Variants in COL19A1 observed in about 807,000 individuals in gnomAD.
The protein encoded by COL19A1 is collagen alpha-1(XIX) chain.
In COL19A1, 159 loss-of-function variants were observed where a neutral mutation model predicts 190.2. That is an observed-to-expected ratio of 0.84 (90% CI 0.73 to 0.95). The LOEUF is 0.95. Ranked by LOEUF, COL19A1 falls within the 40% of genes least tolerant of loss-of-function variation. The pLI, the probability that COL19A1 is intolerant of heterozygous loss-of-function variation, is 0.00. For synonymous variants in COL19A1, 509 were observed against 458.9 expected (o/e 1.11, Z -1.39); for missense variants, 1,418 against 1,431.9 (o/e 0.99, Z 0.16).
chr6:70,001,053 T>C (rs1371903986), intron 11 of COL19A1, among the ~76,000 whole-genome samples: 1 of 152,206 alleles, frequency 6.6e-6, no homozygotes, highest in Admixed American at 6.5e-5. Context: ...GTATAAGGTG[T>C]AAGAAAGGGG....
intron 14 of COL19A1, among the ~76,000 whole-genome samples, chr6:70,051,235 T>C (rs181673973): frequency 6.6e-6 from 1 of 152,224 alleles, no homozygotes; most frequent in East Asian, 1.9e-4. Context: ...AATATTTAAG[T>C]CAGACACATG....
At chr6:70,104,866 G>T (rs1040518625) in intron 16 of COL19A1, among the ~76,000 whole-genome samples, 1 of 152,162 alleles carries the variant, frequency 6.6e-6, no homozygotes, top group Admixed American at 6.6e-5. Flanking sequence ...TAGGAGAGAA[G>T]AGGATTACAC....
Position 69,936,869 on chromosome 6 carries a change from A to G in COL19A1, c.832A>G (p.Lys278Glu). 2 of 1,613,186 alleles carry G rather than the reference A, an allele frequency of 1.2e-6. No individual in the cohort carries two copies. The highest frequency in any genetic ancestry group is 1.7e-6 in the Non-Finnish European group (2 of 1,179,300). The change falls in exon 8 of 51, where the codon AAG becomes GAG. Residue 278 changes from lysine to glutamate, a missense_variant. Lys to Glu is a moderately conservative substitution (Grantham distance 56, BLOSUM62 1). Transcript: ENST00000620364. ...TAAAATGTCTTCATATCTGCCAGCAAAGCAGGAACTTAAAGACCAGTGCCA... is the reference window on the plus strand; with the variant it reads ...TAAAATGTCTTCATATCTGCCAGCAGAGCAGGAACTTAAAGACCAGTGCCA... ...ASKMSSYLPA[K>E]QELKDQCQCI...
At chr6:69,947,779 A>G (rs1444757031) in intron 9 of COL19A1, among the ~76,000 whole-genome samples, 1 of 151,876 alleles carries the variant, frequency 6.6e-6, no homozygotes, top group East Asian at 1.9e-4. Flanking sequence ...CTGGTATCTG[A>G]TGGCTTCATT....
chr6:69,873,519 A>G (rs1470080879), intron 1 of COL19A1, among the ~76,000 whole-genome samples: 1 of 152,270 alleles, frequency 6.6e-6, no homozygotes, highest in Admixed American at 6.5e-5. Flanking sequence ...AACTCATCCC[A>G]TATCACCTGC....
intron 1 of COL19A1, among the ~76,000 whole-genome samples, chr6:69,875,928 AAG>A (rs1216245690): frequency 3.9e-5 from 6 of 152,190 alleles, no homozygotes; most frequent in Admixed American, 6.5e-5. Context: ...AGACATTATA[AAG>A]AGAGGAAAGG....
intron 16 of COL19A1, among the ~76,000 whole-genome samples, chr6:70,111,367 G>A (rs976016039): frequency 6.6e-6 from 1 of 152,116 alleles, no homozygotes; most frequent in Non-Finnish European, 1.5e-5. Flanking sequence ...AAACATGGAA[G>A]AAAAGTTGGC....
At chr6:70,052,211 T>C (rs561006210) in intron 14 of COL19A1, among the ~76,000 whole-genome samples, 3 of 152,264 alleles carry the variant, frequency 2.0e-5, no homozygotes, top group African/African-American at 7.2e-5. Flanking sequence ...CTTTTTTTAT[T>C]TAGGACCATG....
chr6:70,039,764 T>G (rs1283862475), intron 14 of COL19A1, among the ~76,000 whole-genome samples: 1 of 151,802 alleles, frequency 6.6e-6, no homozygotes, highest in Admixed American at 6.6e-5. Context: ...AGTATTGTTT[T>G]TTTTTTTTTT....
chr6:70,140,536 A>G (rs1786182487), intron 19 of COL19A1, among the ~76,000 whole-genome samples: 1 of 152,094 alleles, frequency 6.6e-6, no homozygotes, highest in South Asian at 2.1e-4. Context: ...TTAAGCACAC[A>G]ATTAACCAAC....
At chr6:70,190,172 C>T (rs761184470) in intron 47 of COL19A1, 143 bp from the exon 48 acceptor site, 6 of 648,048 alleles carry the variant, frequency 9.3e-6, no homozygotes, top group Non-Finnish European at 1.6e-5. Flanking sequence ...ATTTATTGCC[C>T]AATATAATCA....
At chr6:70,171,814 T>G in intron 40 of COL19A1, 150 bp from the exon 41 acceptor site, 2 of 663,734 alleles carry the variant, frequency 3.0e-6, no homozygotes, top group Non-Finnish European at 5.4e-6. Context: ...AATAATACAT[T>G]ACTTAAAAAT....
At chr6:70,078,468 G>A (rs929134645) in intron 15 of COL19A1, among the ~76,000 whole-genome samples, 1 of 152,208 alleles carries the variant, frequency 6.6e-6, no homozygotes, top group African/African-American at 2.4e-5. Context: ...TCTGGAGCAC[G>A]ACAGAATTTC....
chr6:70,010,062 A>G (rs1169278591), intron 11 of COL19A1, among the ~76,000 whole-genome samples: 1 of 152,244 alleles, frequency 6.6e-6, no homozygotes, highest in Non-Finnish European at 1.5e-5. Context: ...GACACTAAAA[A>G]GTCAATCAAT....
chr6:70,165,039 A>AG, intron 36 of COL19A1, among the ~76,000 whole-genome samples: 1 of 152,200 alleles, frequency 6.6e-6, no homozygotes, highest in Non-Finnish European at 1.5e-5. Context: ...GGACATTGTG[A>AG]GTAGAAATTT....
At chr6:70,016,389 TGA>T (rs1491299953) in intron 11 of COL19A1, among the ~76,000 whole-genome samples, 1 of 101,826 alleles carries the variant, frequency 9.8e-6, no homozygotes, top group Non-Finnish European at 1.8e-5. Context: ...AAAAAACACA[TGA>T]AAAAAAAAAA....
At chr6:69,912,132 C>A (rs1055914854) in intron 4 of COL19A1, among the ~76,000 whole-genome samples, 1 of 152,130 alleles carries the variant, frequency 6.6e-6, no homozygotes, top group Admixed American at 6.6e-5. Flanking sequence ...CTTTTCTGCC[C>A]ATTGGAATCC....
intron 11 of COL19A1, among the ~76,000 whole-genome samples, chr6:70,017,710 A>G (rs922754896): frequency 1.3e-4 from 20 of 152,074 alleles, no homozygotes; most frequent in African/African-American, 4.8e-4. Context: ...GCAGCTACAG[A>G]GGTAGAATAA....
intron 9 of COL19A1, among the ~76,000 whole-genome samples, chr6:69,948,925 G>C (rs1167903015): frequency 6.6e-6 from 1 of 151,826 alleles, no homozygotes; most frequent in African/African-American, 2.4e-5. Context: ...TGGTGACTGA[G>C]AGAGTCTTGC....
Sources: gnomAD v4.1 joint callset for allele counts (sites outside exome capture counted in the v4.1 genomes callset) on GRCh38, gnomAD v4.1.1 for gene constraint, MANE v1.5 for transcripts, NCBI Gene and HGNC (gene_info 2026-07-23, HGNC 2026-07-21) for gene names.